Variants in AMPH observed in about 807,000 individuals in gnomAD.
AMPH encodes the protein amphiphysin.
A neutral mutation model predicts 99.1 loss-of-function variants in AMPH; 49 were observed. The ratio of observed to expected loss-of-function variants is 0.49; its 90% CI spans 0.39 to 0.63. The LOEUF is 0.63. Among genes scored for constraint, AMPH ranks in the 20% least tolerant of loss-of-function variants. The pLI is 0.00. For missense variants in AMPH, 759 were observed against 863.4 expected, an observed-to-expected ratio of 0.88 and a Z score of 1.52; for synonymous variants, 314 against 317.3, an observed-to-expected ratio of 0.99 and a Z score of 0.11.
chr7:38,577,917 G>A (rs372463250), intron 1 of AMPH, among the ~76,000 whole-genome samples: 3 of 152,312 alleles, frequency 2.0e-5, no homozygotes, highest in African/African-American at 7.2e-5. Flanking sequence ...CCTCTTGGAA[G>A]TCATCTCTAC....
Position 38,436,357 on chromosome 7 carries a change from G to A in AMPH, c.1049C>T (p.Thr350Ile). 1 of 1,614,116 alleles carries A rather than the reference G, an allele frequency of 6.2e-7. No individual in the cohort carries two copies. The highest frequency in any genetic ancestry group is 8.5e-7 in the Non-Finnish European group (1 of 1,180,006). The change falls in exon 12 of 21, where the codon ACT becomes ATT. Residue 350 changes from threonine to isoleucine, a missense_variant. This residue lies in a region of AMPH where 554 missense variants were observed against 575.6 expected (regional missense o/e 0.96). Transcript: ENST00000356264. ...NEVPEVKKEE[T>I]LLDLDFDPFK... Reference sequence around the variant, plus strand: ...AGGATCAAAGTCCAGATCCAGCAAAGTCTCCTCTTTCTTCACCTCAGGGAC... The same window carrying A: ...AGGATCAAAGTCCAGATCCAGCAAAATCTCCTCTTTCTTCACCTCAGGGAC...
At chr7:38,525,277 T>TATATATATATATATATAGAGAGAG (rs1481528083) in intron 2 of AMPH, among the ~76,000 whole-genome samples, 3 of 86,656 alleles carry the variant, frequency 3.5e-5, no homozygotes, top group African/African-American at 1.4e-4. Flanking sequence ...TATATATATA[T>TATATATATATATATATAGAGAGAG]AGAGAGAGAG....
At chr7:38,616,830 G>A (rs1293866581) in intron 1 of AMPH, among the ~76,000 whole-genome samples, 1 of 152,136 alleles carries the variant, frequency 6.6e-6, no homozygotes. Context: ...TGGCTACCTG[G>A]TAGTAGGAAG....
At chr7:38,419,466 T>A (rs975476061) in intron 16 of AMPH, among the ~76,000 whole-genome samples, 23 of 152,194 alleles carry the variant, frequency 1.5e-4, no homozygotes, top group Admixed American at 1.5e-3. Context: ...TTTTCAGCTT[T>A]AAGAGGTGGC....
At chr7:38,514,832 C>T (rs773081324) in intron 2 of AMPH, among the ~76,000 whole-genome samples, 12 of 152,096 alleles carry the variant, frequency 7.9e-5, no homozygotes, top group South Asian at 4.1e-4. Context: ...CAGACTGAGA[C>T]GGAAAATTTA....
At chr7:38,445,947 C>CTG (rs1407389695) in intron 11 of AMPH, among the ~76,000 whole-genome samples, 1 of 151,914 alleles carries the variant, frequency 6.6e-6, no homozygotes, top group Non-Finnish European at 1.5e-5. Context: ...TCCCTCCTCT[C>CTG]TCTCTTCCTC....
chr7:38,628,609 G>T (rs988030630), intron 1 of AMPH, among the ~76,000 whole-genome samples: 4 of 152,188 alleles, frequency 2.6e-5, no homozygotes, highest in Admixed American at 6.5e-5. Context: ...TAATTATGAA[G>T]TGAAATAAAC....
chr7:38,435,525 T>C (rs559005591), intron 12 of AMPH, among the ~76,000 whole-genome samples: 1 of 152,240 alleles, frequency 6.6e-6, no homozygotes, highest in Non-Finnish European at 1.5e-5. Context: ...AAACAGTTTC[T>C]GTTTTGTCAA....
At chr7:38,610,303 A>AAG (rs1793603921) in intron 1 of AMPH, among the ~76,000 whole-genome samples, 1 of 20,980 alleles carries the variant, frequency 4.8e-5, no homozygotes, top group Non-Finnish European at 1.0e-4. Context: ...AAAGAAAAGA[A>AAG]AAGAAAAGAA....
At chr7:38,462,200 C>T (rs1396132487) in intron 10 of AMPH, among the ~76,000 whole-genome samples, 1 of 152,148 alleles carries the variant, frequency 6.6e-6, no homozygotes, top group African/African-American at 2.4e-5. Context: ...TAACTGTAGG[C>T]TAATGTTAAG....
intron 1 of AMPH, among the ~76,000 whole-genome samples, chr7:38,570,327 G>C (rs1344110992): frequency 1.3e-5 from 2 of 152,128 alleles, no homozygotes; most frequent in Admixed American, 1.3e-4. Context: ...AAACCTCCTG[G>C]ATTAGTGAGT....
At chr7:38,563,952 C>T (rs1023273166) in intron 1 of AMPH, among the ~76,000 whole-genome samples, 1 of 152,130 alleles carries the variant, frequency 6.6e-6, no homozygotes, top group African/African-American at 2.4e-5. Flanking sequence ...CTTAGTCACT[C>T]CATAATATGT....
intron 5 of AMPH, among the ~76,000 whole-genome samples, chr7:38,483,429 C>G (rs990073258): frequency 5.9e-5 from 9 of 152,134 alleles, no homozygotes; most frequent in Non-Finnish European, 1.3e-4. Flanking sequence ...AAAAAACACC[C>G]AGTTTCCTGC....
At position 38,384,729 on chromosome 7, in the gene AMPH, A is replaced by T; in HGVS notation, c.*89T>A. ...GTCTGGCATCAGTCTGTAAATCATT[A>T]AGAGCATAATAACAAAAGTGAACTC... On this transcript the variant is annotated 3_prime_UTR_variant, in exon 21 of 21. Coordinates refer to ENST00000356264, the MANE Select transcript of AMPH (RefSeq NM_001635.4). 2 of 1,062,784 alleles carry T rather than the reference A, an allele frequency of 1.9e-6. No homozygotes were observed. The highest frequency in any genetic ancestry group is 2.9e-6 in the Non-Finnish European group (2 of 696,680). The allele number at this position is 1,062,784 out of a possible 1,614,324, so 65.8% of individuals were successfully genotyped here. A position where few individuals can be genotyped will look rare whatever the true frequency, so the allele number is the denominator to read the frequency against.
chr7:38,391,632 C>A, intron 19 of AMPH, 116 bp downstream of exon 19: 1 of 985,440 alleles, frequency 1.0e-6, no homozygotes, highest in East Asian at 2.6e-5. Flanking sequence ...GAAGGGAAAG[C>A]AGTTCACAGA....
intron 1 of AMPH, among the ~76,000 whole-genome samples, chr7:38,623,404 A>G (rs1351043408): frequency 2.0e-5 from 3 of 152,186 alleles, no homozygotes; most frequent in African/African-American, 7.2e-5. Context: ...TAGTATATAT[A>G]TGTTTGCATT....
chr7:38,475,709 G>C (rs971371015), intron 6 of AMPH, among the ~76,000 whole-genome samples: 8 of 152,186 alleles, frequency 5.3e-5, no homozygotes, highest in African/African-American at 1.9e-4. Context: ...TATGGATACT[G>C]AACATGAATG....
chr7:38,430,405 T>A (rs1244381243), intron 13 of AMPH, among the ~76,000 whole-genome samples: 4 of 152,188 alleles, frequency 2.6e-5, no homozygotes, highest in Non-Finnish European at 5.9e-5. Context: ...TTTCTCCACA[T>A]AATGAAAAAA....
In AMPH at chr7:38,631,311, T is replaced by C; in HGVS notation, c.41A>G (p.Gln14Arg). The C allele has an allele frequency of 6.5e-7, 1 of 1,550,204 alleles. No individual in the cohort carries two copies. The highest frequency in any genetic ancestry group is 8.7e-7 in the Non-Finnish European group (1 of 1,148,674). Residue 14 changes from glutamine (Q) to arginine (R), a missense_variant, in exon 1 of 21, where the codon CAG (glutamine) becomes CGG (arginine). Coordinates refer to ENST00000356264, the MANE Select transcript of AMPH (RefSeq NM_001635.4). Reference protein sequence around the residue: ...IKTGIFAKNVQKRLNRAQEKV... With the variant: ...IKTGIFAKNVRKRLNRAQEKV... Reference sequence around the variant, plus strand: ...TTCCTGCGCGCGGTTGAGTCGCTTCTGGACGTTCTTGGCGAAGATGCCCGT... The same window carrying C: ...TTCCTGCGCGCGGTTGAGTCGCTTCCGGACGTTCTTGGCGAAGATGCCCGT...
Sources: gnomAD v4.1 joint callset for allele counts (sites outside exome capture counted in the v4.1 genomes callset) on GRCh38, gnomAD v4.1.1 for gene constraint, gnomAD v4.1.1 regional missense constraint, MANE v1.5 for transcripts, NCBI Gene and HGNC (gene_info 2026-07-23, HGNC 2026-07-21) for gene names.